Variants in SYNE3 observed in about 807,000 individuals in gnomAD.
SYNE3 encodes the protein spectrin repeat containing nuclear envelope family member 3.
A neutral mutation model predicts 111.2 loss-of-function variants in SYNE3; 100 were observed. The ratio of observed to expected loss-of-function variants is 0.90; its 90% CI spans 0.77 to 1.06. The LOEUF is 1.06. SYNE3 is among the 50% of genes least tolerant of loss of function. The pLI is 0.00. For missense variants in SYNE3, 1,160 were observed against 1,240.3 expected, an observed-to-expected ratio of 0.94 and a Z score of 0.97; for synonymous variants, 547 against 533.9, an observed-to-expected ratio of 1.02 and a Z score of -0.34.
In SYNE3 at chr14:95,408,707, T is replaced by TTC; in HGVS notation, c.*9118_*9119insGA. ...ACATACGCGTGCATCCCTCCCACCC[T>TTC]GCCCACCCCTTCACATGCACACACA... On this transcript the variant is annotated 3_prime_UTR_variant, in exon 18 of 18. Coordinates refer to ENST00000682763, the MANE Select transcript of SYNE3 (RefSeq NM_152592.6). 1.3e-5 allele frequency: 1 copy of TTC among 74,516 alleles called. No individual in the cohort carries two copies. The highest frequency in any genetic ancestry group is 2.6e-5 in the Non-Finnish European group (1 of 39,020). The allele number at this position is 74,516 out of a possible 1,614,324, so 4.6% of individuals were successfully genotyped here. A position where few individuals can be genotyped will look rare whatever the true frequency, so the allele number is the denominator to read the frequency against.
chr14:95,452,059 A>G, intron 7 of SYNE3, 188 bp downstream of exon 7: 2 of 622,774 alleles, frequency 3.2e-6, no homozygotes, highest in Non-Finnish European at 5.0e-6. Context: ...TCTGGGAGCA[A>G]ATGCAAAACA....
intron 17 of SYNE3, chr14:95,430,023 G>GAAGGAAGGAAGGAA (rs1885668748): frequency 1.2e-5 from 6 of 519,574 alleles, no homozygotes; most frequent in African/African-American, 1.1e-4. Context: ...AGGGAGGGAG[G>GAAGGAAGGAAGGAA]GTAGAGACAG....
Position 95,408,213 on chromosome 14 carries a change from T to C in SYNE3, c.*9613A>G, listed in dbSNP as rs1023859218. ...AATGAAACGAAAAAATCCATCTGGG[T>C]GGGGGGCTTTGGAATGAGGGCTCTG... On this transcript the variant is annotated 3_prime_UTR_variant, in exon 18 of 18. Transcript: ENST00000682763. 6.6e-5 allele frequency: 10 copies of C among 150,702 alleles called. No homozygotes were observed. The highest frequency in any genetic ancestry group is 2.4e-4 in the African/African-American group (10 of 41,018). The allele number at this position is 150,702 out of a possible 1,614,324, so 9.3% of individuals were successfully genotyped here. A position where few individuals can be genotyped will look rare whatever the true frequency, so the allele number is the denominator to read the frequency against.
Position 95,445,899 on chromosome 14 carries a change from T to G in SYNE3, c.1632+10A>C. ...AGCCAAGTCCCGAGCAGATGCCTGG[T>G]GCTGCACACCTGCAGTTTGCTTTTC... is the stretch of plus-strand genomic sequence containing the variant. On this transcript the variant is annotated intron_variant, in intron 9 of 17. Coordinates refer to ENST00000682763, the MANE Select transcript of SYNE3 (RefSeq NM_152592.6). 6.2e-7 allele frequency: 1 copy of G among 1,612,792 alleles called. No homozygotes were observed. Among genetic ancestry groups the G allele is most frequent in the South Asian group, 1.1e-5 (1 of 91,044 alleles).
At chr14:95,449,338 G>C (rs1886908940) in intron 8 of SYNE3, 1 of 747,942 alleles carries the variant, frequency 1.3e-6, no homozygotes, top group Non-Finnish European at 1.6e-6. Flanking sequence ...TGAGATGTGA[G>C]GGGAGTGTGC....
At position 95,417,948 on chromosome 14, in the gene SYNE3, G is replaced by C. The variant is rs1903637303; in HGVS notation, c.2806C>G (p.Leu936Val). 6.2e-7 allele frequency: 1 copy of C among 1,613,696 alleles called. No homozygotes were observed. The highest frequency in any genetic ancestry group is 8.5e-7 in the Non-Finnish European group (1 of 1,180,018). Residue 936 changes from leucine to valine, a missense_variant, in exon 18 of 18, where the codon CTG becomes GTG. Transcript: ENST00000682763. The stretch of plus-strand genomic sequence containing the variant: ...AGCAGGAACAGCAGGAGGAGGAACA[G>C]CAGCAGAAGCAGCTGCAGTGGGAGC... Reference protein sequence around the residue: ...VALPLQLLLLLFLLLLFLLPI... With the variant: ...VALPLQLLLLVFLLLLFLLPI...
In SYNE3 at chr14:95,440,028, G is replaced by A. The variant is rs1886324121; in HGVS notation, c.1959C>T (p.Phe653=). Residue 653 remains phenylalanine (F), a synonymous_variant, in exon 12 of 18, where the codon TTC becomes TTT. Transcript: ENST00000682763. ...GCCGCAGCTCCAGCAGCTGGTGGCTGAAGGTGCAGTGCTCCTGCACACTCT... is the reference window on the plus strand; with the variant it reads ...GCCGCAGCTCCAGCAGCTGGTGGCTAAAGGTGCAGTGCTCCTGCACACTCT... ...CRQSVQEHCT[F]SHQLLELRQW... is the part of the protein sequence containing the mutation. 3.7e-6 allele frequency: 6 copies of A among 1,611,106 alleles called. No individual in the cohort carries two copies. The highest frequency in any genetic ancestry group is 4.2e-6 in the Non-Finnish European group (5 of 1,180,022).
At chr14:95,507,123 C>T (rs1227966468) in intron 1 of SYNE3, among the ~76,000 whole-genome samples, 2 of 152,190 alleles carry the variant, frequency 1.3e-5, no homozygotes, top group African/African-American at 2.4e-5. Flanking sequence ...AAAGACTGTG[C>T]CTCTGGGCAA....
chr14:95,516,463 C>T (rs968909785), intron 1 of SYNE3, among the ~76,000 whole-genome samples, 133 bp downstream of exon 1: 1 of 151,896 alleles, frequency 6.6e-6, no homozygotes, highest in South Asian at 2.1e-4. Context: ...CTCCCCAGGT[C>T]CCCCAGACTT....
At position 95,418,124 on chromosome 14, in the gene SYNE3, C is replaced by T. The variant is rs111617306; in HGVS notation, c.2728-98G>A. On this transcript the variant is annotated intron_variant, in intron 17 of 17. Coordinates refer to ENST00000682763, the MANE Select transcript of SYNE3 (RefSeq NM_152592.6). ...GAGGATGCCAGGAGCGGTGGTAGCA[C>T]TGAACTGACTGTATGACAGTACACA... The T allele has an allele frequency of 7.0e-4, 862 of 1,227,270 alleles. 8 individuals are homozygous for T. In the African/African-American group the frequency reaches 0.011, roughly 15 times the overall value. 76.0% of individuals were successfully genotyped at this position (1,227,270 alleles called of 1,614,324 possible).
chr14:95,444,310 C>T, intron 10 of SYNE3, 175 bp downstream of exon 10: 1 of 820,234 alleles, frequency 1.2e-6, no homozygotes. Context: ...GGTCAGGAAC[C>T]ATCAGATAAA....
intron 4 of SYNE3, among the ~76,000 whole-genome samples, chr14:95,458,540 G>T (rs182467520): frequency 6.6e-6 from 1 of 152,088 alleles, no homozygotes; most frequent in African/African-American, 2.4e-5. Flanking sequence ...CACCTCCAGC[G>T]GGTAACCAAC....
intron 8 of SYNE3, among the ~76,000 whole-genome samples, chr14:95,447,338 GT>G (rs1886783645): frequency 6.6e-6 from 1 of 152,040 alleles, no homozygotes; most frequent in South Asian, 2.1e-4. Context: ...GGGTTTCACT[GT>G]GTTAGCCAGG....
chr14:95,482,268 T>C (rs1165973327), intron 1 of SYNE3, among the ~76,000 whole-genome samples: 3 of 152,268 alleles, frequency 2.0e-5, no homozygotes, highest in Admixed American at 1.3e-4. Context: ...ACCCTGTCTC[T>C]ACTAAAAATA....
At chr14:95,504,757 G>T (rs1191902805) in intron 1 of SYNE3, among the ~76,000 whole-genome samples, 1 of 152,116 alleles carries the variant, frequency 6.6e-6, no homozygotes, top group Non-Finnish European at 1.5e-5. Context: ...AAGGAGGGAG[G>T]ATCACTTGAG....
chr14:95,509,807 G>A (rs553361225), intron 1 of SYNE3, among the ~76,000 whole-genome samples: 2 of 152,318 alleles, frequency 1.3e-5, no homozygotes, highest in South Asian at 2.1e-4. Context: ...CAGGCTGAAC[G>A]CTGAAAGCCT....
chr14:95,497,839 T>C (rs554549899), intron 1 of SYNE3, among the ~76,000 whole-genome samples: 4 of 152,198 alleles, frequency 2.6e-5, no homozygotes, highest in Non-Finnish European at 4.4e-5. Flanking sequence ...CCTGTGCAAA[T>C]CATTCAAAAA....
intron 17 of SYNE3, among the ~76,000 whole-genome samples, chr14:95,423,311 C>T (rs1885238170): frequency 1.3e-5 from 2 of 152,154 alleles, no homozygotes; most frequent in Non-Finnish European, 2.9e-5. Context: ...GATGTATGAC[C>T]ATAGGCTTCC....
intron 1 of SYNE3, among the ~76,000 whole-genome samples, chr14:95,491,357 T>G (rs11160251): frequency 0.33 from 50,529 of 152,002 alleles, 8,752 homozygotes; most frequent in South Asian, 0.44. Context: ...AGACCTATCT[T>G]GTGCCTCTGA....
Sources: allele counts gnomAD v4.1 joint callset (sites outside exome capture counted in the v4.1 genomes callset), GRCh38; gene constraint gnomAD v4.1.1; transcripts MANE v1.5; gene names NCBI Gene and HGNC (gene_info 2026-07-23, HGNC 2026-07-21).